Variants in ADAMTSL1 observed in about 807,000 individuals in gnomAD.
ADAMTSL1 encodes ADAMTS like 1.
ADAMTSL1 carries 126 observed loss-of-function variants against 201.8 expected under a neutral mutation model. The observed-to-expected ratio is 0.62, with a 90% CI of 0.54 to 0.72. ADAMTSL1 has a LOEUF of 0.72. Among genes scored for constraint, ADAMTSL1 ranks in the 30% least tolerant of loss-of-function variants. The probability of loss-of-function intolerance (pLI) is 0.00; values close to 1 mark genes in which losing one functional copy is unlikely to be tolerated. For missense variants in ADAMTSL1, 2,679 were observed against 2,277.8 expected (o/e 1.18, Z -3.59); for synonymous variants, 1,121 against 903.4 (o/e 1.24, Z -4.32).
intron 4 of ADAMTSL1, among the ~76,000 whole-genome samples, chr9:18,609,421 G>T (rs1419812962): frequency 1.7e-5 from 2 of 116,152 alleles, no homozygotes; most frequent in Non-Finnish European, 3.9e-5. Context: ...CTTTAGCAGG[G>T]TAGAGGGAAG....
rs1162859266 is a variant in ADAMTSL1, at chr9:18,178,620, T to C, written c.207+14639T>C. Among the ~76,000 whole-genome samples the C allele has an allele frequency of 2.6e-5, 4 of 151,634 alleles. No homozygotes were observed. In the South Asian group the frequency reaches 6.3e-4, roughly 24 times the overall value. ...CAGCAGTAACCTCTGCAGACTTAAA[T>C]GTCCCTGTCTGACAGCTTTGAAGAG... is the stretch of plus-strand genomic sequence containing the variant. On this transcript the variant is annotated intron_variant, in intron 2 of 29. Transcript: ENST00000680146.
chr9:17,912,930 T>A (rs1322192564), intron 1 of ADAMTSL1, among the ~76,000 whole-genome samples: 1 of 152,180 alleles, frequency 6.6e-6, no homozygotes, highest in Non-Finnish European at 1.5e-5. Flanking sequence ...CAGCACCATT[T>A]ATTAAGTAGG....
At chr9:18,539,478 C>A (rs893872483) in intron 3 of ADAMTSL1, among the ~76,000 whole-genome samples, 1 of 152,154 alleles carries the variant, frequency 6.6e-6, no homozygotes, top group African/African-American at 2.4e-5. Context: ...GCACTGTGAA[C>A]CTGGAAACGC....
At chr9:18,196,105 G>A (rs577036418) in intron 2 of ADAMTSL1, among the ~76,000 whole-genome samples, 58 of 152,118 alleles carry the variant, frequency 3.8e-4, no homozygotes, top group African/African-American at 1.3e-3. Flanking sequence ...TTCCAGGGAC[G>A]TTGCCATTCA....
At chr9:18,527,355 C>G (rs552246128) in intron 2 of ADAMTSL1, among the ~76,000 whole-genome samples, 1 of 152,222 alleles carries the variant, frequency 6.6e-6, no homozygotes, top group South Asian at 2.1e-4. Context: ...TGCAGAATGA[C>G]CAGATTTTCT....
intron 9 of ADAMTSL1, 47 bp downstream of exon 9, chr9:18,662,120 C>T (rs1338286528): frequency 7.6e-6 from 12 of 1,576,410 alleles, no homozygotes; most frequent in Non-Finnish European, 1.0e-5. Context: ...AACTCAAGTT[C>T]CAAATAGGTT....
intron 2 of ADAMTSL1, among the ~76,000 whole-genome samples, chr9:18,260,715 G>T (rs1280750257): frequency 6.6e-6 from 1 of 152,170 alleles, no homozygotes; most frequent in African/African-American, 2.4e-5. Flanking sequence ...GTTTCCATCT[G>T]CCAGTGTGGT....
rs1247207187 is a variant in ADAMTSL1, at chr9:18,358,656, T to A, written c.208-146173T>A. 2.0e-5 allele frequency among the ~76,000 whole-genome samples: 3 copies of A among 152,328 alleles called. No homozygotes were observed. The East Asian group carries it at 5.8e-4, about 29-fold the overall frequency. On this transcript the variant is annotated intron_variant, in intron 2 of 29. Transcript: ENST00000680146. ...GGCCTTTTGTGTCTGGCTTTTTAAA[T>A]TTAACACAATGTTTTAAAGCTTCAT...
chr9:18,132,707 T>G (rs187540525), intron 1 of ADAMTSL1, among the ~76,000 whole-genome samples: 1 of 152,270 alleles, frequency 6.6e-6, no homozygotes, highest in East Asian at 1.9e-4. Flanking sequence ...TGTACCCTTT[T>G]TCCCCCCTTT....
At chr9:18,519,383 CAA>C (rs1012814540) in intron 2 of ADAMTSL1, among the ~76,000 whole-genome samples, 3 of 152,202 alleles carry the variant, frequency 2.0e-5, no homozygotes, top group Non-Finnish European at 4.4e-5. Flanking sequence ...GGCTGAATCG[CAA>C]AGTCTCCTTT....
At chr9:18,791,201 CAGCA>C (rs1420722677) in intron 19 of ADAMTSL1, among the ~76,000 whole-genome samples, 2 of 152,202 alleles carry the variant, frequency 1.3e-5, no homozygotes, top group African/African-American at 4.8e-5. Context: ...TCCGTCTCTG[CAGCA>C]AGCCTTTCCT....
In ADAMTSL1 at chr9:18,710,861, G is replaced by A. The variant is rs560212136; in HGVS notation, c.1876+3813G>A. 3.9e-5 allele frequency among the ~76,000 whole-genome samples: 6 copies of A among 152,144 alleles called. No individual in the cohort carries two copies. In the East Asian group the frequency reaches 5.8e-4, roughly 15 times the overall value. ...CAACATGGCATTGTTAAACAAAACA[G>A]CAATACTTACTGAATATTGGGCCTT... On this transcript the variant is annotated intron_variant, in intron 14 of 28. Transcript: ENST00000380548.
intron 1 of ADAMTSL1, among the ~76,000 whole-genome samples, chr9:17,966,068 T>C (rs943616146): frequency 6.6e-6 from 1 of 152,162 alleles, no homozygotes; most frequent in African/African-American, 2.4e-5. Context: ...TTTGTCACAT[T>C]GTTGCAAATA....
chr9:18,040,389 G>A (rs1307302133), intron 1 of ADAMTSL1, among the ~76,000 whole-genome samples: 2 of 152,172 alleles, frequency 1.3e-5, no homozygotes, highest in Non-Finnish European at 2.9e-5. Context: ...GAAAGCTCTT[G>A]ATGCTTCTGT....
intron 2 of ADAMTSL1, among the ~76,000 whole-genome samples, chr9:18,319,206 A>T (rs564137103): frequency 6.6e-6 from 1 of 152,194 alleles, no homozygotes; most frequent in South Asian, 2.1e-4. Context: ...AACTCTATTT[A>T]AAAAAAAGAA....
Position 18,239,808 on chromosome 9 carries a change from AAAG to A in ADAMTSL1, c.207+75831_207+75833del, listed in dbSNP as rs202129878. Among the ~76,000 whole-genome samples, 753 of 152,070 alleles carry A rather than the reference AAAG, an allele frequency of 5.0e-3. 12 individuals carry two copies. Among genetic ancestry groups the A allele is most frequent in the African/African-American group, 0.018 (734 of 41,488 alleles). On this transcript the variant is annotated intron_variant, in intron 2 of 29. Transcript: ENST00000680146. Reference sequence around the variant, plus strand: ...GAAGGAAGGAGGGAAAGAAAGAAGGAAAGAAGGAGAAACCACTATCAGTGTTTA... The same window carrying A: ...GAAGGAAGGAGGGAAAGAAAGAAGGAAAGGAGAAACCACTATCAGTGTTTA...
intron 20 of ADAMTSL1, among the ~76,000 whole-genome samples, chr9:18,799,203 G>C (rs570932732): frequency 6.6e-6 from 1 of 152,310 alleles, no homozygotes; most frequent in South Asian, 2.1e-4. Context: ...GGATTGCAGG[G>C]AGGAGATTAT....
At chr9:17,908,315 GT>G (rs1825802076) in intron 1 of ADAMTSL1, among the ~76,000 whole-genome samples, 1 of 152,138 alleles carries the variant, frequency 6.6e-6, no homozygotes, top group African/African-American at 2.4e-5. Context: ...AATTTCCTGC[GT>G]TAGGGCCACA....
intron 7 of ADAMTSL1, among the ~76,000 whole-genome samples, chr9:18,640,185 T>TTAGA (rs748388829): frequency 1.5e-4 from 23 of 152,058 alleles, no homozygotes; most frequent in Admixed American, 3.3e-4. Flanking sequence ...GGCAGTAAGG[T>TTAGA]TAGAGGGAGA....
Sources: allele counts gnomAD v4.1 joint callset (sites outside exome capture counted in the v4.1 genomes callset), GRCh38; gene constraint gnomAD v4.1.1; transcripts MANE v1.5; gene names NCBI Gene and HGNC (gene_info 2026-07-23, HGNC 2026-07-21).